The following CYRIB variants were observed in gnomAD, a reference collection of about 807,000 sequenced individuals.
The protein encoded by CYRIB is CYFIP related Rac1 interactor B.
Under a neutral mutation model 44.2 loss-of-function variants are expected in CYRIB, and 8 were observed. That is an observed-to-expected ratio of 0.18 (90% CI 0.11 to 0.33). The LOEUF (loss-of-function observed/expected upper bound fraction) is 0.33, where lower values mean the gene tolerates loss of function less well. Among genes scored for constraint, CYRIB ranks in the 10% least tolerant of loss-of-function variants. The pLI is 1.00. For missense variants in CYRIB, 185 were observed against 382.8 expected (o/e 0.48, Z 4.31); for synonymous variants, 131 against 127.2 (o/e 1.03, Z -0.20).
At chr8:129,852,482 G>T (rs543423437) in intron 7 of CYRIB, among the ~76,000 whole-genome samples, 7 of 152,084 alleles carry the variant, frequency 4.6e-5, no homozygotes, top group Non-Finnish European at 8.8e-5. Flanking sequence ...TGATATTAAA[G>T]AATTTAAATA....
At chr8:129,840,855 G>A (rs2035979026) in exon 12 of CYRIB, 1 of 152,318 alleles carries the variant, frequency 6.6e-6, no homozygotes. Context: ...CCATGATCTG[G>A]CCCTATTAAT....
chr8:129,957,599 G>A (rs2094926753), intron 2 of CYRIB, among the ~76,000 whole-genome samples: 1 of 152,056 alleles, frequency 6.6e-6, no homozygotes, highest in Non-Finnish European at 1.5e-5. Flanking sequence ...GGGAGGTGGA[G>A]GTGGGCGGAT....
At chr8:129,996,812 T>A (rs760153177) in intron 1 of CYRIB, among the ~76,000 whole-genome samples, 35 of 151,826 alleles carry the variant, frequency 2.3e-4, no homozygotes, top group Non-Finnish European at 3.1e-4. Flanking sequence ...CTCCGGGGTA[T>A]TTTTTTTAAG....
rs1202941472 is a variant in CYRIB, at chr8:129,891,160, A to G, written c.-10-11689T>C. 2.0e-5 allele frequency among the ~76,000 whole-genome samples: 3 copies of G among 152,164 alleles called. No individual in the cohort carries two copies. In the East Asian group the frequency reaches 5.8e-4, roughly 29 times the overall value. The stretch of plus-strand genomic sequence containing the variant: ...TATGGGGTTCTTCCTTCAGGCTCCT[A>G]AATTCTCCCAAATCCATCTCTTCTC... On this transcript the variant is annotated intron_variant, in intron 2 of 11. Transcript: ENST00000519824.
At chr8:129,915,296 A>G (rs1448313219) in intron 1 of CYRIB, among the ~76,000 whole-genome samples, 6 of 152,204 alleles carry the variant, frequency 3.9e-5, no homozygotes, top group African/African-American at 1.4e-4. Flanking sequence ...CTAGAATACT[A>G]TTCAGCAATA....
intron 1 of CYRIB, among the ~76,000 whole-genome samples, chr8:129,926,791 C>A (rs1158774345): frequency 6.6e-6 from 1 of 152,192 alleles, no homozygotes; most frequent in African/African-American, 2.4e-5. Flanking sequence ...TCAGTCCTCA[C>A]ATGATTGCAA....
chr8:129,972,853 T>C (rs1564524685), intron 1 of CYRIB, among the ~76,000 whole-genome samples: 1 of 152,038 alleles, frequency 6.6e-6, no homozygotes. Context: ...TCTAAACAAG[T>C]GTGGCTTCTT....
intron 1 of CYRIB, among the ~76,000 whole-genome samples, chr8:129,918,402 T>C (rs78768163): frequency 0.017 from 2,531 of 152,244 alleles, 61 homozygotes; most frequent in African/African-American, 0.053. Context: ...TTTCTAAGGG[T>C]TGAAAAAAGA....
intron 4 of CYRIB, among the ~76,000 whole-genome samples, chr8:129,870,355 AG>A (rs1294906127): frequency 6.6e-6 from 1 of 152,218 alleles, no homozygotes; most frequent in Non-Finnish European, 1.5e-5. Context: ...GGCTGTAGTG[AG>A]CTGTGGTTGC....
chr8:129,913,301 C>T (rs2079031916), intron 1 of CYRIB, among the ~76,000 whole-genome samples: 1 of 152,168 alleles, frequency 6.6e-6, no homozygotes, highest in Non-Finnish European at 1.5e-5. Context: ...CCTACATAAG[C>T]AGAAGCTCTT....
intron 1 of CYRIB, chr8:130,004,541 T>A (rs2096989389): frequency 6.6e-6 from 1 of 152,216 alleles, no homozygotes; most frequent in Non-Finnish European, 1.5e-5. Context: ...GGTTTTTTTG[T>A]TTCTTAGTGT....
rs139115788 is a variant in CYRIB, at chr8:129,986,114, G to A, written c.-295-15119C>T. On this transcript the variant is annotated intron_variant, in intron 1 of 14. Coordinates refer to the CYRIB transcript ENST00000401979. ...CCAGAAAGTACTGCGATCTGTGCCC[G>A]AGGTTAAATATTCTGGCCATCACCC... 3.4e-3 allele frequency among the ~76,000 whole-genome samples: 516 copies of A among 152,300 alleles called. 2 individuals carry two copies. The highest frequency in any genetic ancestry group is 0.011 in the African/African-American group (456 of 41,560).
intron 11 of CYRIB, among the ~76,000 whole-genome samples, chr8:129,843,455 C>G (rs2037755453): frequency 6.6e-6 from 1 of 152,206 alleles, no homozygotes; most frequent in African/African-American, 2.4e-5. Context: ...AGGCTTGGGC[C>G]AGATTACAGC....
chr8:129,944,306 C>T (rs2093981542), upstream of CYRIB, among the ~76,000 whole-genome samples: 1 of 152,012 alleles, frequency 6.6e-6, no homozygotes, highest in Non-Finnish European at 1.5e-5. Flanking sequence ...AGAACAGGCA[C>T]CGGAATTAAG....
rs1200865688 is a variant in CYRIB at position 130,011,635 on chromosome 8, G to A, written c.-296+4735C>T. On this transcript the variant is annotated intron_variant, in intron 1 of 14. Transcript: ENST00000401979. ...GATTGAGACCATCCTAGCAAACACGGTAAAACCCCATCTCTACTAAAAATA... is the reference window on the plus strand; with the variant it reads ...GATTGAGACCATCCTAGCAAACACGATAAAACCCCATCTCTACTAAAAATA... Among the ~76,000 whole-genome samples, 3 of 151,250 alleles carry A rather than the reference G, an allele frequency of 2.0e-5. No homozygotes were observed. The South Asian group carries it at 6.2e-4, about 31-fold the overall frequency.
chr8:129,948,949 C>T (rs1340591455), intron 2 of CYRIB: 3 of 152,116 alleles, frequency 2.0e-5, no homozygotes. Flanking sequence ...GTGGTGTGAG[C>T]CTGTGGTCCC....
chr8:129,883,515 T>C (rs965168091), intron 2 of CYRIB, among the ~76,000 whole-genome samples: 3 of 151,818 alleles, frequency 2.0e-5, no homozygotes, highest in Non-Finnish European at 2.9e-5. Flanking sequence ...AGTCCCATTA[T>C]AACATTATCG....
chr8:129,981,476 G>A (rs550169028), intron 1 of CYRIB, among the ~76,000 whole-genome samples: 1 of 152,310 alleles, frequency 6.6e-6, no homozygotes, highest in East Asian at 1.9e-4. Flanking sequence ...TTTAAGTGGA[G>A]ACATGGACAG....
At position 129,909,483 on chromosome 8, in the gene CYRIB, T is replaced by C. The variant is rs577904862; in HGVS notation, c.-49-6133A>G. On this transcript the variant is annotated intron_variant, in intron 1 of 11. Coordinates refer to ENST00000519824, the Ensembl canonical transcript of CYRIB. ...GTACTGCTTTTTATCATTCACATCA[T>C]GAGCAATATTTTCACATCATTAAAA... Among the ~76,000 whole-genome samples the C allele has an allele frequency of 2.2e-4, 34 of 152,314 alleles. 1 individual carries two copies. The highest frequency in any genetic ancestry group is 6.5e-4 in the African/African-American group (27 of 41,572).
Sources: gnomAD v4.1 joint callset for allele counts (sites outside exome capture counted in the v4.1 genomes callset) on GRCh38, gnomAD v4.1.1 for gene constraint, MANE v1.5 for transcripts, NCBI Gene and HGNC (gene_info 2026-07-23, HGNC 2026-07-21) for gene names.